The following PPP2R3B variants were observed in gnomAD, a reference collection of about 807,000 sequenced individuals.
The protein encoded by PPP2R3B is serine/threonine-protein phosphatase 2A regulatory subunit B'' subunit beta.
Under a neutral mutation model 72.9 loss-of-function variants are expected in PPP2R3B, and 68 were observed. The observed-to-expected ratio is 0.93, with a 90% CI of 0.77 to 1.14. PPP2R3B has a LOEUF of 1.14. Among genes scored for constraint, PPP2R3B ranks in the 50% most tolerant of loss-of-function variants. PPP2R3B has a pLI of 0.00. For synonymous variants in PPP2R3B, 466 were observed against 375.8 expected (o/e 1.24, Z -2.78); for missense variants, 1,018 against 842.0 (o/e 1.21, Z -2.59).
Position 367,109 on chromosome X carries a change from C to T in PPP2R3B, c.325-5519G>A, listed in dbSNP as rs145109450. ...ATGCACCCCATTAACAGACACTCTACGGGGCAAAAGCTGAGGAAATGCAGC... is the reference window on the plus strand; with the variant it reads ...ATGCACCCCATTAACAGACACTCTATGGGGCAAAAGCTGAGGAAATGCAGC... On this transcript the variant is annotated intron_variant, in intron 1 of 12. Transcript: ENST00000390665. Among the ~76,000 whole-genome samples, 76 of 151,944 alleles carry T rather than the reference C, an allele frequency of 5.0e-4. 1 individual carries two copies. In the East Asian group the frequency reaches 7.5e-3, roughly 15 times the overall value.
chrX:340,990 G>T, intron 9 of PPP2R3B, 50 bp from the exon 10 acceptor site: 1 of 1,581,022 alleles, frequency 6.3e-7, no homozygotes, highest in Non-Finnish European at 8.6e-7. Flanking sequence ...CTCCCAGCCC[G>T]TGACCTGCAG....
In PPP2R3B at chrX:362,050, C is replaced by T. The variant is rs183137444; in HGVS notation, c.325-460G>A. On this transcript the variant is annotated intron_variant, in intron 1 of 12. Transcript: ENST00000390665. ...AGGTGCCGTCCACAGGCAACCCTGT[C>T]CCTGGAGCCCGGAAGACTCACATTC... Among the ~76,000 whole-genome samples, 707 of 152,290 alleles carry T rather than the reference C, an allele frequency of 4.6e-3. 4 individuals carry two copies. Among genetic ancestry groups the T allele is most frequent in the African/African-American group, 0.017 (689 of 41,556 alleles).
Position 334,421 on chromosome X carries a change from GC to G in PPP2R3B, c.1673del (p.Gly558AlafsTer55). 1 of 1,592,946 alleles carries G rather than the reference GC, an allele frequency of 6.3e-7. No homozygotes were observed. Among genetic ancestry groups the G allele is most frequent in the African/African-American group, 1.4e-5 (1 of 73,854 alleles). ...RPFFEAPSPLGAVDLYEYACG... is the reference protein window; with the variant it reads ...RPFFEAPSPLXAVDLYEYACG... ...ATGCGTACTCGTACAGGTCCACGGC[GC>G]CCAGCGGTGAGGGCGCCTCGAAGAA... On this transcript the variant is annotated frameshift_variant, in exon 13 of 13. Coordinates refer to ENST00000390665, the MANE Select transcript of PPP2R3B (RefSeq NM_013239.5). LOFTEE classifies it high-confidence loss of function.
chrX:342,154 A>C (rs965826276), intron 7 of PPP2R3B: 15 of 621,728 alleles, frequency 2.4e-5, no homozygotes, highest in Non-Finnish European at 3.8e-5. Context: ...ACAGAGCGCA[A>C]AGCTGACCGC....
chrX:373,910 GCTCTC>G (rs1195897098), intron 1 of PPP2R3B: 1 of 153,426 alleles, frequency 6.5e-6, no homozygotes, highest in Non-Finnish European at 1.4e-5. Flanking sequence ...TCCCGGCGCT[GCTCTC>G]CTCTCCTCCT....
At chrX:355,820 G>GACTTTTCTC (rs1468906499) in intron 2 of PPP2R3B, among the ~76,000 whole-genome samples, 6 of 152,244 alleles carry the variant, frequency 3.9e-5, no homozygotes, top group African/African-American at 1.4e-4. Context: ...ATGAGGGCAG[G>GACTTTTCTC]TGCGCGTCAG....
chrX:378,074 C>A (rs2072038472), intron 1 of PPP2R3B, among the ~76,000 whole-genome samples: 1 of 152,214 alleles, frequency 6.6e-6, no homozygotes, highest in African/African-American at 2.4e-5. Context: ...CTACTGTGTA[C>A]AGGGACGGGG....
chrX:346,357 CTCAG>C, intron 5 of PPP2R3B, 97 bp from the exon 6 acceptor site: 1 of 1,249,938 alleles, frequency 8.0e-7, no homozygotes, highest in Non-Finnish European at 1.1e-6. Context: ...CGCCCTTGGT[CTCAG>C]CCGCACGGGG....
Position 386,550 on chromosome X carries a change from T to C in PPP2R3B, c.142A>G (p.Thr48Ala). Residue 48 changes from threonine (T) to alanine (A), a missense_variant, in exon 1 of 13, where the codon ACC becomes GCC. By Grantham distance (58) the Thr-to-Ala change is moderately conservative. Coordinates refer to ENST00000390665, the MANE Select transcript of PPP2R3B (RefSeq NM_013239.5). The stretch of plus-strand genomic sequence containing the variant: ...CCGGGCTGCTCCCCGTCCCCCGGGG[T>C]CGGCTGGTCCCGCCCGGGCGCCTTG... ...RIKAPGRDQPTPGDGEQPGAW... is the reference protein window; with the variant it reads ...RIKAPGRDQPAPGDGEQPGAW... 7.0e-7 allele frequency: 1 copy of C among 1,431,852 alleles called. No homozygotes were observed. Among genetic ancestry groups the C allele is most frequent in the South Asian group, 1.3e-5 (1 of 74,146 alleles). The allele number at this position is 1,431,852 out of a possible 1,614,324, so 88.7% of individuals were successfully genotyped here. A position where few individuals can be genotyped will look rare whatever the true frequency, so the allele number is the denominator to read the frequency against.
chrX:383,002 G>A (rs1288770725), intron 1 of PPP2R3B, among the ~76,000 whole-genome samples: 1 of 152,082 alleles, frequency 6.6e-6, no homozygotes, highest in Non-Finnish European at 1.5e-5. Flanking sequence ...GAGTTCCTAA[G>A]GTGCTTCAGG....
chrX:339,274 G>GGGA (rs1556105619), intron 10 of PPP2R3B, among the ~76,000 whole-genome samples: 1 of 150,164 alleles, frequency 6.7e-6, no homozygotes, highest in African/African-American at 2.5e-5. Context: ...CCCATGGCCG[G>GGGA]GGGGGGCAGG....
At chrX:356,860 A>AT (rs1448284723) in intron 2 of PPP2R3B, among the ~76,000 whole-genome samples, 3,582 of 86,706 alleles carry the variant, frequency 0.041, 4 homozygotes, top group Admixed American at 0.066. Context: ...CCAGCCACAC[A>AT]GCGAGCCCCA....
intron 1 of PPP2R3B, among the ~76,000 whole-genome samples, chrX:382,233 T>A (rs1211517729): frequency 6.6e-6 from 1 of 150,444 alleles, no homozygotes; most frequent in African/African-American, 2.4e-5. Flanking sequence ...GTCTCACTCT[T>A]GTCACCCAGG....
intron 12 of PPP2R3B, chrX:336,719 T>C (rs900907371): frequency 1.3e-5 from 2 of 152,216 alleles, no homozygotes; most frequent in Non-Finnish European, 2.9e-5. Context: ...AAATTCTATA[T>C]GCTACCAACG....
rs938391267 is a variant in PPP2R3B, at chrX:347,451, C to T, written c.615-115G>A. ...ACGTGGTGCGTGGCAGGTGGCCACA[C>T]ACGACGGCCAGGCCTGTGCCCGTAC... On this transcript the variant is annotated intron_variant, in intron 3 of 12. Transcript: ENST00000390665. 4 of 1,345,776 alleles carry T rather than the reference C, an allele frequency of 3.0e-6. No homozygotes were observed. In the African/African-American group the frequency reaches 5.8e-5, roughly 19 times the overall value. 83.4% of individuals were successfully genotyped at this position (1,345,776 alleles called of 1,614,324 possible). A position where few individuals can be genotyped will look rare whatever the true frequency, so the allele number is the denominator to read the frequency against.
chrX:351,231 G>A (rs1488579087), intron 2 of PPP2R3B, among the ~76,000 whole-genome samples: 3 of 152,176 alleles, frequency 2.0e-5, no homozygotes, highest in Non-Finnish European at 4.4e-5. Flanking sequence ...AGGGCGTCCC[G>A]GTGCGGTGGG....
intron 1 of PPP2R3B, among the ~76,000 whole-genome samples, chrX:377,542 G>T (rs2072023097): frequency 1.2e-5 from 1 of 84,740 alleles, no homozygotes; most frequent in Non-Finnish European, 2.4e-5. Context: ...ACAGGGACGG[G>T]CCGTCCACAC....
intron 12 of PPP2R3B, chrX:338,366 A>G (rs2070946902): frequency 1.0e-5 from 6 of 601,386 alleles, no homozygotes; most frequent in African/African-American, 9.3e-5. Context: ...CCAGGATCAC[A>G]GAACCCCACG....
At chrX:356,873 G>A (rs1415127124) in intron 2 of PPP2R3B, among the ~76,000 whole-genome samples, 1 of 114,260 alleles carries the variant, frequency 8.8e-6, no homozygotes, top group Non-Finnish European at 2.0e-5. Context: ...GAGCCCCACA[G>A]TATCCACACC....
Sources: gnomAD v4.1 joint callset for allele counts (sites outside exome capture counted in the v4.1 genomes callset) on GRCh38, gnomAD v4.1.1 for gene constraint, MANE v1.5 for transcripts, NCBI Gene and HGNC (gene_info 2026-07-23, HGNC 2026-07-21) for gene names.